GPC5: variants seen among roughly 807,000 people sequenced by gnomAD.
GPC5 encodes the protein glypican 5.
Under a neutral mutation model 53.9 loss-of-function variants are expected in GPC5, and 47 were observed. The ratio of observed to expected loss-of-function variants is 0.87; its 90% CI spans 0.69 to 1.11. GPC5 has a LOEUF of 1.11. Ranked by LOEUF, GPC5 falls within the 50% of genes most tolerant of loss-of-function variation. The pLI is 0.00. For missense variants in GPC5, 748 were observed against 713.1 expected, an observed-to-expected ratio of 1.05 and a Z score of -0.56; for synonymous variants, 286 against 263.3, an observed-to-expected ratio of 1.09 and a Z score of -0.84.
intron 7 of GPC5, among the ~76,000 whole-genome samples, chr13:92,404,985 A>G (rs755279310): frequency 2.0e-5 from 3 of 150,476 alleles, no homozygotes; most frequent in African/African-American, 4.9e-5. Flanking sequence ...CGATCTTGCC[A>G]TAGGCAAATT....
chr13:91,736,804 G>A lies in GPC5; in HGVS notation c.1154+8139G>A, dbSNP rs184331593. On this transcript the variant is annotated intron_variant, in intron 4 of 7. Transcript: ENST00000377067. ...GCTTTTATTTGTGATTCATGAATGAGAGAATCCTCTATTCCAGAAAATGGA... is the reference window on the plus strand; with the variant it reads ...GCTTTTATTTGTGATTCATGAATGAAAGAATCCTCTATTCCAGAAAATGGA... 1.3e-3 allele frequency among the ~76,000 whole-genome samples: 204 copies of A among 151,400 alleles called. 13 individuals are homozygous for A. Among genetic ancestry groups the A allele is most frequent in the African/African-American group, 4.9e-3 (200 of 40,770 alleles).
rs182954985 is a variant in GPC5 at position 92,824,339 on chromosome 13, C to T, written c.1562-41943C>T. ...AAGCTGACCCCTTACCCCAGGGCCA[C>T]CTTTCTAAACTCAGTCCTGATGATT... On this transcript the variant is annotated intron_variant, in intron 7 of 7. Transcript: ENST00000377067. 9.9e-5 allele frequency among the ~76,000 whole-genome samples: 15 copies of T among 152,168 alleles called. No homozygotes were observed. In the East Asian group the frequency reaches 2.7e-3, roughly 28 times the overall value.
chr13:91,701,811 C>A (rs1344225522), intron 3 of GPC5, among the ~76,000 whole-genome samples: 1 of 152,018 alleles, frequency 6.6e-6, no homozygotes, highest in African/African-American at 2.4e-5. Flanking sequence ...GATGTATACC[C>A]AAAAGGATAA....
At chr13:92,858,016 C>A (rs1389972157) in intron 7 of GPC5, among the ~76,000 whole-genome samples, 1 of 152,190 alleles carries the variant, frequency 6.6e-6, no homozygotes, top group Non-Finnish European at 1.5e-5. Context: ...CACACGCACT[C>A]ATATGTTCAT....
intron 2 of GPC5, among the ~76,000 whole-genome samples, chr13:91,684,285 C>G (rs929494541): frequency 6.6e-6 from 1 of 152,140 alleles, no homozygotes; most frequent in Non-Finnish European, 1.5e-5. Context: ...CTTATATCAA[C>G]AGCTTCAACT....
intron 7 of GPC5, among the ~76,000 whole-genome samples, chr13:92,248,959 T>G (rs1382637437): frequency 6.6e-6 from 1 of 152,148 alleles, no homozygotes; most frequent in Admixed American, 6.6e-5. Context: ...GGAGAGCAGA[T>G]ACAAGGATTA....
chr13:91,552,765 G>A (rs2030720318), intron 2 of GPC5, among the ~76,000 whole-genome samples: 1 of 152,056 alleles, frequency 6.6e-6, no homozygotes, highest in Non-Finnish European at 1.5e-5. Flanking sequence ...CAAGCTTCCA[G>A]CTTGGTCGTT....
chr13:91,532,128 T>C (rs1594215569), intron 2 of GPC5, among the ~76,000 whole-genome samples: 4 of 152,298 alleles, frequency 2.6e-5, no homozygotes, highest in Middle Eastern at 6.8e-3. Context: ...ATTAAGGAAA[T>C]TGACACTTGA....
At chr13:91,926,850 C>A (rs1327916121) in intron 6 of GPC5, among the ~76,000 whole-genome samples, 1 of 152,154 alleles carries the variant, frequency 6.6e-6, no homozygotes, top group African/African-American at 2.4e-5. Flanking sequence ...GGACACAGTA[C>A]AGTACAAAAG....
chr13:91,506,995 A>G (rs1259973371), intron 2 of GPC5, among the ~76,000 whole-genome samples: 1 of 152,174 alleles, frequency 6.6e-6, no homozygotes, highest in African/African-American at 2.4e-5. Context: ...CATGGTTAGT[A>G]TTTTGGTATA....
intron 7 of GPC5, among the ~76,000 whole-genome samples, chr13:92,745,736 AT>A (rs1429237840): frequency 1.3e-5 from 2 of 152,150 alleles, no homozygotes; most frequent in South Asian, 2.1e-4. Flanking sequence ...CAGGCTAATT[AT>A]TTAACAAGTA....
chr13:91,691,097 C>T (rs975531552), intron 2 of GPC5, among the ~76,000 whole-genome samples: 8 of 152,288 alleles, frequency 5.3e-5, no homozygotes, highest in South Asian at 2.1e-4. Context: ...GATTCAATTC[C>T]GTTTTCACAC....
intron 7 of GPC5, among the ~76,000 whole-genome samples, chr13:92,418,573 A>C (rs1876422877): frequency 6.6e-6 from 1 of 152,172 alleles, no homozygotes; most frequent in African/African-American, 2.4e-5. Context: ...ATAAAATACT[A>C]TTAGGTAAAA....
intron 7 of GPC5, among the ~76,000 whole-genome samples, chr13:92,170,990 T>C (rs552233125): frequency 4.6e-5 from 7 of 152,210 alleles, no homozygotes; most frequent in African/African-American, 1.7e-4. Flanking sequence ...CCCCAGTCAG[T>C]TATCCTTCAT....
At chr13:91,799,349 A>G (rs1198642951) in intron 5 of GPC5, among the ~76,000 whole-genome samples, 1 of 152,240 alleles carries the variant, frequency 6.6e-6, no homozygotes, top group East Asian at 1.9e-4. Context: ...AGGGAGGAAG[A>G]GGGGCAAGGG....
At chr13:91,810,603 A>G (rs753366357) in intron 5 of GPC5, among the ~76,000 whole-genome samples, 1 of 152,002 alleles carries the variant, frequency 6.6e-6, no homozygotes, top group Non-Finnish European at 1.5e-5. Flanking sequence ...ATAAAAATAG[A>G]GTAAAAATCT....
intron 7 of GPC5, among the ~76,000 whole-genome samples, chr13:92,486,280 C>T (rs191535781): frequency 1.1e-4 from 16 of 152,250 alleles, no homozygotes; most frequent in East Asian, 5.8e-4. Context: ...TCTAGCCTGA[C>T]CTTCACCGAA....
At chr13:92,323,948 T>C (rs1475842633) in intron 7 of GPC5, among the ~76,000 whole-genome samples, 1 of 151,880 alleles carries the variant, frequency 6.6e-6, no homozygotes, top group Non-Finnish European at 1.5e-5. Flanking sequence ...GATGAGTTGG[T>C]TTTTAACAGT....
intron 5 of GPC5, among the ~76,000 whole-genome samples, chr13:91,892,959 T>C (rs1028205500): frequency 1.3e-5 from 2 of 152,108 alleles, no homozygotes; most frequent in Middle Eastern, 6.8e-3. Context: ...TTAGATAAAA[T>C]GAGTCATCAT....
Sources: gnomAD v4.1 joint callset for allele counts (sites outside exome capture counted in the v4.1 genomes callset) on GRCh38, gnomAD v4.1.1 for gene constraint, MANE v1.5 for transcripts, NCBI Gene and HGNC (gene_info 2026-07-23, HGNC 2026-07-21) for gene names.